Variants in AUTS2 observed in about 807,000 individuals in gnomAD.
AUTS2 encodes the protein autism susceptibility gene 2 protein.
Under a neutral mutation model 112.4 loss-of-function variants are expected in AUTS2, and 17 were observed. The observed-to-expected ratio is 0.15, with a 90% confidence interval of 0.10 to 0.23. AUTS2 has a LOEUF of 0.23. Among genes scored for constraint, AUTS2 ranks in the 10% least tolerant of loss-of-function variants. The pLI is 1.00. For synonymous variants in AUTS2, 751 were observed against 702.7 expected (o/e 1.07, Z -1.09); for missense variants, 1,510 against 1,701.6 (o/e 0.89, Z 1.98).
Position 70,790,183 on chromosome 7 carries a change from C to T in AUTS2, c.2967C>T (p.Asp989=), listed in dbSNP as rs1348934329. 1.2e-6 allele frequency: 2 copies of T among 1,612,514 alleles called. No homozygotes were observed. The highest frequency in any genetic ancestry group is 1.1e-5 in the South Asian group (1 of 91,040). The change falls in exon 19 of 19, where the codon GAC becomes GAT. Residue 989 remains aspartate, a synonymous_variant. Coordinates refer to ENST00000342771, the MANE Select transcript of AUTS2 (RefSeq NM_015570.4). The surrounding 1 kb of genome is among the most constrained non-coding windows in gnomAD (Gnocchi z 7.6). ...AGGTGAAGGAGGAGCGGAAGGAAGA[C>T]CATGACCTGCCTCCAGAGGCCCCGC... is the stretch of plus-strand genomic sequence containing the variant. ...EVKVKEERKE[D]HDLPPEAPQT...
At chr7:70,747,978 C>T (rs959720732) in intron 6 of AUTS2, among the ~76,000 whole-genome samples, 2 of 146,574 alleles carry the variant, frequency 1.4e-5, no homozygotes, top group East Asian at 2.1e-4. Flanking sequence ...CCTGCCACCA[C>T]GCCCAGCCAA....
intron 4 of AUTS2, among the ~76,000 whole-genome samples, chr7:70,138,048 G>T (rs571609436): frequency 6.6e-6 from 1 of 152,170 alleles, no homozygotes; most frequent in African/African-American, 2.4e-5. Flanking sequence ...CACATATTAT[G>T]GTTGTTCTCT....
chr7:69,857,789 A>G (rs983616604), intron 1 of AUTS2, among the ~76,000 whole-genome samples: 6 of 151,630 alleles, frequency 4.0e-5, no homozygotes, highest in Non-Finnish European at 7.4e-5. Context: ...TGCACTCCAG[A>G]CTGGGTGACA....
chr7:70,568,105 TTTC>T (rs1801780979), intron 5 of AUTS2, among the ~76,000 whole-genome samples: 1 of 152,252 alleles, frequency 6.6e-6, no homozygotes, highest in African/African-American at 2.4e-5. Context: ...TCTTTTTTGT[TTTC>T]TTCTTCATGT....
chr7:69,761,150 C>T (rs939718335), intron 1 of AUTS2, among the ~76,000 whole-genome samples: 1 of 152,184 alleles, frequency 6.6e-6, no homozygotes, highest in Non-Finnish European at 1.5e-5. Flanking sequence ...TAAATGCATG[C>T]TTCAGCTGCC....
At chr7:70,660,156 A>G (rs1786095198) in intron 5 of AUTS2, among the ~76,000 whole-genome samples, 3 of 151,910 alleles carry the variant, frequency 2.0e-5, no homozygotes. Context: ...CAGCCTGAGC[A>G]AGAGAGTGAG....
intron 2 of AUTS2, among the ~76,000 whole-genome samples, chr7:70,024,006 A>T (rs140683311): frequency 3.9e-5 from 6 of 152,342 alleles, no homozygotes; most frequent in African/African-American, 1.4e-4. Flanking sequence ...CAGCAGGTCC[A>T]CAAGGAAAGC....
chr7:70,240,633 C>T (rs997374014), intron 4 of AUTS2, among the ~76,000 whole-genome samples: 1 of 152,158 alleles, frequency 6.6e-6, no homozygotes, highest in Non-Finnish European at 1.5e-5. Flanking sequence ...CTGCTCAAGG[C>T]TTGCATGCCA....
intron 4 of AUTS2, among the ~76,000 whole-genome samples, chr7:70,395,453 T>G (rs1794037413): frequency 6.6e-6 from 1 of 152,204 alleles, no homozygotes; most frequent in Non-Finnish European, 1.5e-5. Context: ...ATCAGCGTCT[T>G]TTTGCCCATT....
intron 2 of AUTS2, among the ~76,000 whole-genome samples, chr7:70,043,529 C>A (rs896726002): frequency 1.3e-5 from 2 of 150,084 alleles, no homozygotes; most frequent in African/African-American, 4.9e-5. Flanking sequence ...CTCTCCCTCC[C>A]TCCTTGCCTC....
intron 4 of AUTS2, among the ~76,000 whole-genome samples, chr7:70,186,137 G>A (rs1809591792): frequency 6.6e-6 from 1 of 152,082 alleles, no homozygotes; most frequent in South Asian, 2.1e-4. Context: ...TGTTATTCAT[G>A]TAGCTATATA....
chr7:70,793,444 TTTTG>T lies in AUTS2; in HGVS notation c.*2452_*2455del, dbSNP rs1310063309. On this transcript the variant is annotated 3_prime_UTR_variant, in exon 19 of 19. Coordinates refer to ENST00000342771, the MANE Select transcript of AUTS2 (RefSeq NM_015570.4). ...CAGTCTCCCTGTCCTCTAAAATCTG[TTTTG>T]TTTTTTTCCATGATGTTAAAAAAAC... 2 of 152,174 alleles carry T rather than the reference TTTTG, an allele frequency of 1.3e-5. No homozygotes were observed. The highest frequency in any genetic ancestry group is 2.4e-5 in the African/African-American group (1 of 41,434). The allele number at this position is 152,174 out of a possible 1,614,324, so 9.4% of individuals were successfully genotyped here. A position where few individuals can be genotyped will look rare whatever the true frequency, so the allele number is the denominator to read the frequency against.
intron 4 of AUTS2, among the ~76,000 whole-genome samples, chr7:70,142,242 C>G (rs947054101): frequency 6.6e-6 from 1 of 152,140 alleles, no homozygotes; most frequent in Non-Finnish European, 1.5e-5. Flanking sequence ...CATCTCTGGC[C>G]CCTCAGATTT....
At chr7:69,608,427 TAAAAG>T (rs1792850636) in intron 1 of AUTS2, among the ~76,000 whole-genome samples, 1 of 152,192 alleles carries the variant, frequency 6.6e-6, no homozygotes, top group South Asian at 2.1e-4. Flanking sequence ...TTTTAGAACT[TAAAAG>T]GAGGAATTAA....
rs181161414 is a variant in AUTS2, at chr7:69,902,036, T to G, written c.522+2538T>G. On this transcript the variant is annotated intron_variant, in intron 2 of 18. Transcript: ENST00000342771. ...TGCCGTTTTGGAGTCAGTCTGTAAC[T>G]GATAGGCTCTGTGAAGACATTTATT... Among the ~76,000 whole-genome samples the G allele has an allele frequency of 2.9e-3, 446 of 152,364 alleles. 5 individuals carry two copies. Among genetic ancestry groups the G allele is most frequent in the African/African-American group, 0.01 (432 of 41,584 alleles).
rs1412324888 is a variant in AUTS2, at chr7:70,088,542, T to A, written c.523-29590T>A. On this transcript the variant is annotated intron_variant, in intron 2 of 18. Transcript: ENST00000342771. Reference sequence around the variant, plus strand: ...CTTTTGCTCTCTTTTTTTTTTTTTTTAGTTTCTTATGATGGAAGCTGAAGG... The same window carrying A: ...CTTTTGCTCTCTTTTTTTTTTTTTTAAGTTTCTTATGATGGAAGCTGAAGG... Among the ~76,000 whole-genome samples, 3 of 142,322 alleles carry A rather than the reference T, an allele frequency of 2.1e-5. No homozygotes were observed. The East Asian group carries it at 6.1e-4, about 29-fold the overall frequency. The allele number at this position is 142,322 out of a possible 152,430, so 93.4% of individuals were successfully genotyped here.
intron 2 of AUTS2, among the ~76,000 whole-genome samples, chr7:70,045,784 CT>C (rs746154629): frequency 0.028 from 3,609 of 126,816 alleles, 47 homozygotes; most frequent in African/African-American, 0.035. Context: ...AATTTTCTAC[CT>C]TTTTTTTTTT....
intron 12 of AUTS2, chr7:70,775,066 C>A (rs1019108691): frequency 2.3e-6 from 1 of 433,006 alleles, no homozygotes; most frequent in African/African-American, 2.0e-5. Context: ...AACAGTGAAA[C>A]TCCTGGTGTG....
rs146778598 is a variant in AUTS2, at chr7:69,803,280, A to G, written c.310-96006A>G. ...TGATGATCAGCTCTGAAGTGCACCA[A>G]TTGGAGAGAACTCTTGAATAAATGC... On this transcript the variant is annotated intron_variant, in intron 1 of 18. Coordinates refer to ENST00000342771, the MANE Select transcript of AUTS2 (RefSeq NM_015570.4). Among the ~76,000 whole-genome samples the G allele has an allele frequency of 4.6e-3, 701 of 152,284 alleles. 10 individuals are homozygous for G. The highest frequency in any genetic ancestry group is 4.9e-3 in the Non-Finnish European group (336 of 68,024).
Sources: gnomAD v4.1 joint callset for allele counts (sites outside exome capture counted in the v4.1 genomes callset) on GRCh38, gnomAD v4.1.1 for gene constraint, Gnocchi (gnomAD v3.1) non-coding constraint, MANE v1.5 for transcripts, NCBI Gene and HGNC (gene_info 2026-07-23, HGNC 2026-07-21) for gene names.